The following MYLK4 variants were observed in gnomAD, a reference collection of about 807,000 sequenced individuals.
MYLK4 encodes the protein caMLCK like.
MYLK4 carries 46 observed loss-of-function variants against 48.1 expected under a neutral mutation model. The observed-to-expected ratio is 0.96, with a 90% CI of 0.75 to 1.22. The LOEUF is 1.22. Among genes scored for constraint, MYLK4 ranks in the 50% most tolerant of loss-of-function variants. The pLI, the probability that MYLK4 is intolerant of heterozygous loss-of-function variation, is 0.00. For missense variants in MYLK4, 451 were observed against 486.1 expected, an observed-to-expected ratio of 0.93 and a Z score of 0.68; for synonymous variants, 170 against 180.8, an observed-to-expected ratio of 0.94 and a Z score of 0.48.
intron 2 of MYLK4, among the ~76,000 whole-genome samples, chr6:2,727,775 C>T (rs903283427): frequency 6.6e-5 from 10 of 152,044 alleles, no homozygotes; most frequent in African/African-American, 2.2e-4. Flanking sequence ...GGTAAAACCC[C>T]GTTTCTACTA....
intron 2 of MYLK4, among the ~76,000 whole-genome samples, chr6:2,718,943 G>A (rs149229236): frequency 2.6e-4 from 40 of 152,290 alleles, no homozygotes; most frequent in African/African-American, 8.7e-4. Flanking sequence ...TAGAAGTCAC[G>A]AGTCTCCTTT....
At chr6:2,719,357 A>G (rs6596908) in intron 2 of MYLK4, among the ~76,000 whole-genome samples, 129,793 of 152,204 alleles carry the variant, frequency 0.85, 55,439 homozygotes, top group Admixed American at 0.89. Flanking sequence ...CTGGAAGGGT[A>G]AGGCATAATC....
At chr6:2,769,404 G>A in the MYLK4 span, among the ~76,000 whole-genome samples, 59,477 of 151,578 alleles carry the variant, frequency 0.39, 12,026 homozygotes, top group South Asian at 0.49. Context: ...AGCCACTTAG[G>A]GATTTAAAAA....
rs537033790 is a variant in MYLK4, at chr6:2,750,753, C to G, written c.-130G>C. Reference sequence around the variant, plus strand: ...ATAATTACCATTGATAGGATCACATCGAAGAGCTTGAGCCACTCCAAGTCT... The same window carrying G: ...ATAATTACCATTGATAGGATCACATGGAAGAGCTTGAGCCACTCCAAGTCT... On this transcript the variant is annotated 5_prime_UTR_variant, in exon 1 of 13. Transcript: ENST00000274643. The G allele has an allele frequency of 5.9e-5, 9 of 152,360 alleles. No individual in the cohort carries two copies. Among genetic ancestry groups the G allele is most frequent in the African/African-American group, 1.7e-4 (7 of 41,546 alleles). The allele number at this position is 152,360 out of a possible 1,614,324, so 9.4% of individuals were successfully genotyped here.
chr6:2,680,220 C>T lies in MYLK4; in HGVS notation c.758+1G>A. 6.2e-7 allele frequency: 1 copy of T among 1,614,132 alleles called. No individual in the cohort carries two copies. The highest frequency in any genetic ancestry group is 8.5e-7 in the Non-Finnish European group (1 of 1,180,000). On this transcript the variant is annotated splice_donor_variant, in intron 8 of 12. Coordinates refer to ENST00000274643, the MANE Select transcript of MYLK4 (RefSeq NM_001012418.5). LOFTEE classifies it high-confidence loss of function. ...GTACACCTATGTCCAAATAGACATA[C>T]CTTCTGGCCAATCCAAAATCAATAA...
chr6:2,735,964 C>A (rs891930537), intron 2 of MYLK4, among the ~76,000 whole-genome samples: 1 of 152,180 alleles, frequency 6.6e-6, no homozygotes. Flanking sequence ...AACTGAAACT[C>A]AGAAAAGCTA....
chr6:2,758,553 A>G, the MYLK4 span, among the ~76,000 whole-genome samples: 1 of 151,990 alleles, frequency 6.6e-6, no homozygotes, highest in East Asian at 1.9e-4. Flanking sequence ...TAAAGCCACC[A>G]CCAGGTCAAG....
Position 2,679,413 on chromosome 6 carries a change from A to C in MYLK4, c.759-5T>G, listed in dbSNP as rs1468407892. 4 of 1,614,202 alleles carry C rather than the reference A, an allele frequency of 2.5e-6. No individual in the cohort carries two copies. The East Asian group carries it at 8.9e-5, about 36-fold the overall frequency. On this transcript the variant is annotated splice_polypyrimidine_tract_variant and splice_region_variant and intron_variant, in intron 8 of 12. Transcript: ENST00000274643. ...AGCTTCTCTCTGGGTTTGTATCTGCAATTTAAGAGACAAAGTGGAAGGATG... is the reference window on the plus strand; with the variant it reads ...AGCTTCTCTCTGGGTTTGTATCTGCCATTTAAGAGACAAAGTGGAAGGATG...
chr6:2,765,958 C>T, the MYLK4 span: 1 of 1,429,050 alleles, frequency 7.0e-7, no homozygotes. Flanking sequence ...AGAGCTACGA[C>T]GCGCCGCCCA....
At chr6:2,677,093 C>CCTAG (rs1561831298) in intron 10 of MYLK4, among the ~76,000 whole-genome samples, 1 of 152,078 alleles carries the variant, frequency 6.6e-6, no homozygotes, top group Non-Finnish European at 1.5e-5. Context: ...GACTGATACC[C>CCTAG]CTAGCCTGGC....
At chr6:2,729,771 T>C (rs1459075519) in intron 2 of MYLK4, among the ~76,000 whole-genome samples, 2 of 152,114 alleles carry the variant, frequency 1.3e-5, no homozygotes, top group African/African-American at 4.8e-5. Flanking sequence ...GAGAAGTTTC[T>C]GACAACCTAC....
chr6:2,765,199 TCC>T, the MYLK4 span, among the ~76,000 whole-genome samples: 723 of 57,542 alleles, frequency 0.013, 45 homozygotes, highest in Admixed American at 0.099. Flanking sequence ...CCCCCGCCCC[TCC>T]CCCGCCCCCG....
rs1760531857 is a variant in MYLK4 at position 2,663,684 on chromosome 6, G to A, written c.*4241C>T. The stretch of plus-strand genomic sequence containing the variant: ...TTCAATATAATACATATACATGATT[G>A]TTATACATCTTTAGAAAGCAAAGAA... On this transcript the variant is annotated 3_prime_UTR_variant, in exon 13 of 13. Coordinates refer to ENST00000274643, the MANE Select transcript of MYLK4 (RefSeq NM_001012418.5). 1 of 152,566 alleles carries A rather than the reference G, an allele frequency of 6.6e-6. No individual in the cohort carries two copies. Among genetic ancestry groups the A allele is most frequent in the Admixed American group, 6.5e-5 (1 of 15,270 alleles). 9.5% of individuals were successfully genotyped at this position (152,566 alleles called of 1,614,324 possible). A position where few individuals can be genotyped will look rare whatever the true frequency, so the allele number is the denominator to read the frequency against.
chr6:2,679,267 G>T lies in MYLK4; in HGVS notation c.887+13C>A, dbSNP rs763226453. ...AGTTGGAGAAGGGTCAGAGACAGAG[G>T]AGAGCTACTCACAGCATATAGGCGA... On this transcript the variant is annotated intron_variant, in intron 9 of 12. Coordinates refer to ENST00000274643, the MANE Select transcript of MYLK4 (RefSeq NM_001012418.5). The T allele has an allele frequency of 4.3e-5, 69 of 1,613,882 alleles. No homozygotes were observed. Among genetic ancestry groups the T allele is most frequent in the Non-Finnish European group, 5.6e-5 (66 of 1,179,992 alleles).
chr6:2,680,414 C>T lies in MYLK4; in HGVS notation c.688-123G>A, dbSNP rs957259062. 17 of 1,545,842 alleles carry T rather than the reference C, an allele frequency of 1.1e-5. No homozygotes were observed. In the Admixed American group the frequency reaches 1.1e-4, roughly 10 times the overall value. ...ACATATCAGGCCTTTCACTTCGGGGCGGGCTTGTCCGTGTGGGTACTTTCT... is the reference window on the plus strand; with the variant it reads ...ACATATCAGGCCTTTCACTTCGGGGTGGGCTTGTCCGTGTGGGTACTTTCT... On this transcript the variant is annotated intron_variant, in intron 7 of 12. Coordinates refer to ENST00000274643, the MANE Select transcript of MYLK4 (RefSeq NM_001012418.5).
chr6:2,766,935 G>T, the MYLK4 span, among the ~76,000 whole-genome samples: 3 of 152,046 alleles, frequency 2.0e-5, no homozygotes, highest in South Asian at 2.1e-4. Flanking sequence ...TAACAGACTG[G>T]TATTTATTCT....
chr6:2,720,296 C>T (rs971010563), intron 2 of MYLK4, among the ~76,000 whole-genome samples: 5 of 151,572 alleles, frequency 3.3e-5, no homozygotes, highest in African/African-American at 1.2e-4. Context: ...CCCAGCTACT[C>T]GGGAGGCTGA....
In MYLK4 at chr6:2,683,017, TTA is replaced by T; in HGVS notation, c.687+2_687+3del. 5 of 1,614,178 alleles carry T rather than the reference TTA, an allele frequency of 3.1e-6. No homozygotes were observed. In the South Asian group the frequency reaches 4.4e-5, roughly 14 times the overall value. On this transcript the variant is annotated splice_donor_variant and splice_donor_region_variant and intron_variant, in intron 7 of 12. Coordinates refer to ENST00000274643, the MANE Select transcript of MYLK4 (RefSeq NM_001012418.5). LOFTEE classifies it high-confidence loss of function. Reference sequence around the variant, plus strand: ...ACGTCTCACAGGATACAAAACACCCTTACCTTCAGGTCCAAGTGGAGAATGTA... The same window carrying T: ...ACGTCTCACAGGATACAAAACACCCTCCTTCAGGTCCAAGTGGAGAATGTA...
chr6:2,764,377 C>G, the MYLK4 span, among the ~76,000 whole-genome samples: 27 of 151,810 alleles, frequency 1.8e-4, no homozygotes, highest in Admixed American at 1.5e-3. Context: ...GGTCGCGGCC[C>G]TGCACTCCAG....
Sources: allele counts gnomAD v4.1 joint callset (sites outside exome capture counted in the v4.1 genomes callset), GRCh38; gene constraint gnomAD v4.1.1; transcripts MANE v1.5; gene names NCBI Gene and HGNC (gene_info 2026-07-23, HGNC 2026-07-21).